The following MECOM variants were observed in gnomAD, a reference collection of about 807,000 sequenced individuals.
The protein encoded by MECOM is histone-lysine N-methyltransferase MECOM.
A neutral mutation model predicts 116.3 loss-of-function variants in MECOM; 13 were observed. The observed-to-expected ratio is 0.11, with a 90% CI of 0.07 to 0.18. MECOM has a LOEUF of 0.18. MECOM is among the 10% of genes least tolerant of loss of function. The pLI is 1.00. For missense variants in MECOM, 1,299 were observed against 1,509.0 expected, an observed-to-expected ratio of 0.86 and a Z score of 2.31; for synonymous variants, 528 against 535.2, an observed-to-expected ratio of 0.99 and a Z score of 0.19.
At chr3:169,339,533 G>A (rs959348096) in intron 2 of MECOM, among the ~76,000 whole-genome samples, 1 of 152,156 alleles carries the variant, frequency 6.6e-6, no homozygotes, top group Non-Finnish European at 1.5e-5. Context: ...GTGATCCCTG[G>A]ACCAGCATCC....
chr3:169,529,487 T>C (rs1758336357), intron 1 of MECOM, among the ~76,000 whole-genome samples: 1 of 152,150 alleles, frequency 6.6e-6, no homozygotes, highest in Non-Finnish European at 1.5e-5. Flanking sequence ...CCCATATCCA[T>C]ATCCTGTAGC....
chr3:169,357,710 A>G (rs1301014792), intron 2 of MECOM, among the ~76,000 whole-genome samples: 33 of 151,830 alleles, frequency 2.2e-4, no homozygotes, highest in Admixed American at 2.2e-3. Context: ...TGACACATAT[A>G]TTAGATAGAT....
intron 1 of MECOM, among the ~76,000 whole-genome samples, chr3:169,560,688 G>T (rs975925170): frequency 1.3e-5 from 2 of 151,918 alleles, no homozygotes; most frequent in Non-Finnish European, 2.9e-5. Context: ...GGCTACAAAA[G>T]CCATACAGAA....
chr3:169,136,984 T>C (rs1452073652), intron 3 of MECOM, among the ~76,000 whole-genome samples: 1 of 152,054 alleles, frequency 6.6e-6, no homozygotes, highest in Non-Finnish European at 1.5e-5. Context: ...ATTGAAATAA[T>C]AGAGAAATAT....
chr3:169,155,962 T>A (rs960074407), intron 2 of MECOM, among the ~76,000 whole-genome samples: 1 of 152,206 alleles, frequency 6.6e-6, no homozygotes, highest in African/African-American at 2.4e-5. Flanking sequence ...TATGTAATAT[T>A]AAAAGCATTC....
chr3:169,098,739 G>A (rs1165901765), intron 12 of MECOM, among the ~76,000 whole-genome samples: 3 of 151,826 alleles, frequency 2.0e-5, no homozygotes, highest in Non-Finnish European at 4.4e-5. Flanking sequence ...TGTTGTCCAG[G>A]CTGGTCTTCA....
intron 1 of MECOM, among the ~76,000 whole-genome samples, chr3:169,391,007 G>A (rs1359810337): frequency 6.6e-6 from 1 of 152,202 alleles, no homozygotes; most frequent in Non-Finnish European, 1.5e-5. Flanking sequence ...CATTTTCACA[G>A]CTGACTTGAT....
At chr3:169,133,605 G>C (rs906670531) in intron 3 of MECOM, 3 of 191,132 alleles carry the variant, frequency 1.6e-5, no homozygotes, top group African/African-American at 7.0e-5. Context: ...CTTTGTATTT[G>C]TCCACAGATA....
At chr3:169,395,148 G>A (rs895915791) in intron 1 of MECOM, among the ~76,000 whole-genome samples, 4 of 152,140 alleles carry the variant, frequency 2.6e-5, no homozygotes, top group African/African-American at 9.7e-5. Context: ...GAGAGCCCAA[G>A]TATGAAAGAT....
chr3:169,287,103 A>G (rs1035590660), intron 2 of MECOM, among the ~76,000 whole-genome samples: 2 of 152,152 alleles, frequency 1.3e-5, no homozygotes, highest in Non-Finnish European at 2.9e-5. Context: ...AAAATATCAC[A>G]TTTCTATTTC....
At chr3:169,564,049 G>A (rs1576898499) in intron 1 of MECOM, among the ~76,000 whole-genome samples, 1 of 152,148 alleles carries the variant, frequency 6.6e-6, no homozygotes, top group East Asian at 1.9e-4. Flanking sequence ...TATCAAAGAT[G>A]ATTATTTTAT....
rs565723314 is a variant in MECOM at position 169,299,318 on chromosome 3, C to T, written c.375+81869G>A. 3.5e-3 allele frequency among the ~76,000 whole-genome samples: 528 copies of T among 152,236 alleles called. 6 individuals are homozygous for T. Among genetic ancestry groups the T allele is most frequent in the African/African-American group, 0.012 (513 of 41,538 alleles). The stretch of plus-strand genomic sequence containing the variant: ...CGAGGCCAAGAGGAGGGGCTGGGTT[C>T]CCCACCCAGTGCACACCCACGCCAG... On this transcript the variant is annotated intron_variant, in intron 2 of 16. Coordinates refer to ENST00000651503, the MANE Select transcript of MECOM (RefSeq NM_004991.4).
chr3:169,146,824 A>G (rs565303633), intron 2 of MECOM: 2 of 1,089,370 alleles, frequency 1.8e-6, no homozygotes, highest in Non-Finnish European at 2.3e-6. Context: ...TCCTGCACGA[A>G]AATCCTTTCA....
Position 169,116,272 on chromosome 3 carries a change from T to A in MECOM, c.1600A>T (p.Ile534Leu). The change falls in exon 8 of 17, where the codon ATA (isoleucine) becomes TTA (leucine). Residue 534 changes from isoleucine (I) to leucine (L), a missense_variant. Coordinates refer to ENST00000651503, the MANE Select transcript of MECOM (RefSeq NM_004991.4). The part of the protein sequence containing the change: ...SQSPLMTHPQ[I>L]LPATQDILKA... ...AAAATATCCTGTGTAGCTGGCAGTA[T>A]CTGAGGATGTGTCATGAGGGGACTT... The A allele has an allele frequency of 2.5e-6, 4 of 1,614,178 alleles. No individual in the cohort carries two copies. The highest frequency in any genetic ancestry group is 3.4e-6 in the Non-Finnish European group (4 of 1,180,032).
At chr3:169,228,442 A>G (rs962894876) in intron 2 of MECOM, among the ~76,000 whole-genome samples, 3 of 152,210 alleles carry the variant, frequency 2.0e-5, no homozygotes, top group Non-Finnish European at 4.4e-5. Context: ...ATGCTTTTAT[A>G]AACTACAGTT....
intron 7 of MECOM, among the ~76,000 whole-genome samples, chr3:169,118,737 T>C (rs1434175513): frequency 1.4e-5 from 2 of 147,670 alleles, no homozygotes; most frequent in East Asian, 4.0e-4. Flanking sequence ...AAAAAAAAAA[T>C]CAAGAGCTTC....
intron 1 of MECOM, among the ~76,000 whole-genome samples, chr3:169,471,444 T>G (rs905736897): frequency 8.5e-6 from 1 of 117,758 alleles, no homozygotes; most frequent in African/African-American, 2.9e-5. Flanking sequence ...ATACATATAT[T>G]TAAATGAAAG....
intron 2 of MECOM, among the ~76,000 whole-genome samples, chr3:169,208,219 GTGTGTGTGTA>G (rs1750210696): frequency 6.7e-6 from 1 of 150,250 alleles, no homozygotes; most frequent in Admixed American, 6.7e-5. Context: ...GTGTGTGTGT[GTGTGTGTGTA>G]TATTTATATA....
chr3:169,182,750 C>T (rs1357093932), intron 2 of MECOM, among the ~76,000 whole-genome samples: 8 of 152,130 alleles, frequency 5.3e-5, no homozygotes, highest in African/African-American at 1.2e-4. Context: ...GGCAACGTTA[C>T]GGAAGCTACA....
Sources: gnomAD v4.1 joint callset for allele counts (sites outside exome capture counted in the v4.1 genomes callset) on GRCh38, gnomAD v4.1.1 for gene constraint, MANE v1.5 for transcripts, NCBI Gene and HGNC (gene_info 2026-07-23, HGNC 2026-07-21) for gene names.